DLGAP1: variants seen among roughly 807,000 people sequenced by gnomAD.
DLGAP1 encodes disks large-associated protein 1.
DLGAP1 carries 11 observed loss-of-function variants against 90.8 expected under a neutral mutation model. The observed-to-expected ratio is 0.12, with a 90% CI of 0.08 to 0.20. The LOEUF is 0.20. DLGAP1 is among the 10% of genes least tolerant of loss of function. The pLI is 1.00. For synonymous variants in DLGAP1, 558 were observed against 540.7 expected, an observed-to-expected ratio of 1.03 and a Z score of -0.44; for missense variants, 1,050 against 1,333.8, an observed-to-expected ratio of 0.79 and a Z score of 3.31.
chr18:3,740,370 A>G (rs2062846443), intron 6 of DLGAP1, among the ~76,000 whole-genome samples: 1 of 152,196 alleles, frequency 6.6e-6, no homozygotes, highest in African/African-American at 2.4e-5. Flanking sequence ...ATATCATTGG[A>G]CAAGCAGTAA....
intron 1 of DLGAP1, among the ~76,000 whole-genome samples, chr18:4,249,882 C>T (rs1027067556): frequency 2.6e-5 from 4 of 152,206 alleles, no homozygotes; most frequent in South Asian, 2.1e-4. Context: ...AGCCACCAAG[C>T]GTGACCATGT....
chr18:3,833,745 G>C (rs2068197533), intron 4 of DLGAP1, among the ~76,000 whole-genome samples: 1 of 152,196 alleles, frequency 6.6e-6, no homozygotes, highest in Non-Finnish European at 1.5e-5. Context: ...GAATCTACAA[G>C]GATACAATGA....
At chr18:4,303,066 C>T (rs944183272) in intron 1 of DLGAP1, among the ~76,000 whole-genome samples, 2 of 152,294 alleles carry the variant, frequency 1.3e-5, no homozygotes, top group South Asian at 4.1e-4. Context: ...CTGGAACTTT[C>T]CCTGTTGACT....
At chr18:3,716,868 C>A (rs1403774609) in intron 7 of DLGAP1, among the ~76,000 whole-genome samples, 4 of 151,728 alleles carry the variant, frequency 2.6e-5, no homozygotes, top group African/African-American at 7.3e-5. Flanking sequence ...GTAGCTCGTG[C>A]CTTTAATCCC....
At chr18:3,613,286 T>A (rs4798107) in intron 7 of DLGAP1, among the ~76,000 whole-genome samples, 28,379 of 152,174 alleles carry the variant, frequency 0.19, 3,272 homozygotes, top group South Asian at 0.35. Flanking sequence ...AAAAAAAAGT[T>A]AGCATTCTGG....
intron 1 of DLGAP1, among the ~76,000 whole-genome samples, chr18:4,220,902 A>G (rs1231228375): frequency 6.6e-6 from 1 of 152,174 alleles, no homozygotes; most frequent in Non-Finnish European, 1.5e-5. Flanking sequence ...TTATAAGATT[A>G]TAATATCATA....
intron 1 of DLGAP1, among the ~76,000 whole-genome samples, chr18:4,384,577 A>G (rs554900841): frequency 8.5e-5 from 13 of 152,148 alleles, no homozygotes; most frequent in African/African-American, 1.2e-4. Flanking sequence ...ATTTTTTAAC[A>G]TCAGGGCTAA....
intron 1 of DLGAP1, among the ~76,000 whole-genome samples, chr18:4,391,961 T>C (rs1402324249): frequency 6.6e-6 from 1 of 152,158 alleles, no homozygotes; most frequent in African/African-American, 2.4e-5. Flanking sequence ...ATTGAGGTAG[T>C]TGGTTTTTAA....
intron 1 of DLGAP1, among the ~76,000 whole-genome samples, chr18:4,440,942 T>G (rs560972424): frequency 6.6e-6 from 1 of 152,352 alleles, no homozygotes; most frequent in African/African-American, 2.4e-5. Context: ...CAATGTTGAT[T>G]TAACAATGTC....
At chr18:3,989,144 C>T (rs1434584571) in intron 3 of DLGAP1, among the ~76,000 whole-genome samples, 1 of 152,222 alleles carries the variant, frequency 6.6e-6, no homozygotes, top group Non-Finnish European at 1.5e-5. Flanking sequence ...GCCATGGTTA[C>T]CCAGTTCCCT....
intron 1 of DLGAP1, among the ~76,000 whole-genome samples, chr18:4,421,958 C>G (rs566773312): frequency 6.6e-6 from 1 of 152,228 alleles, no homozygotes; most frequent in South Asian, 2.1e-4. Context: ...AAGCAATCTG[C>G]CTGTGTCAGC....
At chr18:3,901,286 C>T (rs867102665) in intron 3 of DLGAP1, among the ~76,000 whole-genome samples, 1 of 152,176 alleles carries the variant, frequency 6.6e-6, no homozygotes. Context: ...CTCTCATTCA[C>T]TTTTCACACT....
rs575608378 is a variant in DLGAP1, at chr18:4,232,431, A to C, written c.-266-81144T>G. Among the ~76,000 whole-genome samples the C allele has an allele frequency of 6.6e-5, 10 of 152,300 alleles. No homozygotes were observed. In the East Asian group the frequency reaches 1.9e-3, roughly 29 times the overall value. ...AATGGTTAGACTTGTTTTCTCGATA[A>C]TGAACTTTTTGCAACTAAACAGCAC... is the stretch of plus-strand genomic sequence containing the variant. On this transcript the variant is annotated intron_variant, in intron 1 of 12. Coordinates refer to ENST00000315677, the MANE Select transcript of DLGAP1 (RefSeq NM_004746.4).
chr18:4,320,079 A>G (rs1024002303), intron 1 of DLGAP1, among the ~76,000 whole-genome samples: 8 of 152,154 alleles, frequency 5.3e-5, no homozygotes, highest in African/African-American at 1.7e-4. Flanking sequence ...GCCATTCAGA[A>G]AGGTAATGAG....
chr18:3,977,935 G>A (rs1022116555), intron 3 of DLGAP1: 1 of 354,570 alleles, frequency 2.8e-6, no homozygotes, highest in Non-Finnish European at 5.4e-6. Flanking sequence ...TGGAGACAAG[G>A]AAGGCCATGC....
chr18:3,523,629 C>G (rs554002104), intron 10 of DLGAP1, among the ~76,000 whole-genome samples: 82 of 151,800 alleles, frequency 5.4e-4, no homozygotes, highest in African/African-American at 1.7e-3. Flanking sequence ...GGGCGGATCA[C>G]GAGGTCAGGA....
chr18:4,316,779 C>G (rs1410540439), intron 1 of DLGAP1, among the ~76,000 whole-genome samples: 1 of 152,188 alleles, frequency 6.6e-6, no homozygotes, highest in Non-Finnish European at 1.5e-5. Context: ...TTAGCAGGAT[C>G]AATCTCTTCC....
At chr18:3,600,680 C>A (rs913080744) in intron 7 of DLGAP1, among the ~76,000 whole-genome samples, 10 of 121,008 alleles carry the variant, frequency 8.3e-5, no homozygotes, top group Non-Finnish European at 1.3e-4. Flanking sequence ...CTATAGATAT[C>A]TATAGAGATC....
intron 4 of DLGAP1, among the ~76,000 whole-genome samples, chr18:3,840,582 T>C (rs539876962): frequency 6.6e-6 from 1 of 152,364 alleles, no homozygotes; most frequent in African/African-American, 2.4e-5. Context: ...TAATCACATC[T>C]GCAAAGTCAT....
Sources: gnomAD v4.1 joint callset for allele counts (sites outside exome capture counted in the v4.1 genomes callset) on GRCh38, gnomAD v4.1.1 for gene constraint, MANE v1.5 for transcripts, NCBI Gene and HGNC (gene_info 2026-07-23, HGNC 2026-07-21) for gene names.